USP31: variants seen among roughly 807,000 people sequenced by gnomAD.
USP31 encodes ubiquitin carboxyl-terminal hydrolase 31.
In USP31, 44 loss-of-function variants were observed where a neutral mutation model predicts 119.4. That is an observed-to-expected ratio of 0.37 (90% CI 0.29 to 0.47). USP31 has a LOEUF of 0.47. USP31 is among the 20% of genes least tolerant of loss of function. USP31 has a pLI of 0.99. For missense variants in USP31, 1,643 were observed against 1,730.2 expected (o/e 0.95, Z 0.89); for synonymous variants, 749 against 705.6 (o/e 1.06, Z -0.97).
At chr16:23,095,843 G>A (rs1901581465) in intron 6 of USP31, among the ~76,000 whole-genome samples, 1 of 152,122 alleles carries the variant, frequency 6.6e-6, no homozygotes, top group Non-Finnish European at 1.5e-5. Flanking sequence ...GCTCCTGAAG[G>A]AAGCACTAAA....
In USP31 at chr16:23,149,243, C is replaced by T; in HGVS notation, c.28G>A (p.Gly10Arg). 2.7e-6 allele frequency: 3 copies of T among 1,116,206 alleles called. No homozygotes were observed. The highest frequency in any genetic ancestry group is 3.3e-6 in the Non-Finnish European group (3 of 914,166). 69.1% of individuals were successfully genotyped at this position (1,116,206 alleles called of 1,614,324 possible). Reference sequence around the variant, plus strand: ...TTCCCGCTCGCCGCCGCCGGCGGCCCGGACCCAGGCGCCGTTACCTTGGAC... The same window carrying T: ...TTCCCGCTCGCCGCCGCCGGCGGCCTGGACCCAGGCGCCGTTACCTTGGAC... MSKVTAPGS[G>R]PPAAASGKEK... The change falls in exon 1 of 16, where the codon GGG (glycine) becomes AGG (arginine). Residue 10 changes from glycine to arginine, a missense_variant. Gly to Arg is a moderately radical substitution (Grantham distance 125, BLOSUM62 -2). Around this residue, in one of 5 missense-constraint regions of USP31, gnomAD observed 302 missense variants for 262.6 expected, o/e 1.15. Transcript: ENST00000219689.
intron 1 of USP31, chr16:23,115,949 GAA>G (rs1567241335): frequency 9.4e-6 from 2 of 212,140 alleles, no homozygotes; most frequent in Non-Finnish European, 1.6e-5. Context: ...AGGCTCCAGG[GAA>G]AAGATACTGA....
At chr16:23,108,775 A>G (rs113972092) in intron 1 of USP31, among the ~76,000 whole-genome samples, 42 of 152,320 alleles carry the variant, frequency 2.8e-4, no homozygotes, top group African/African-American at 8.9e-4. Context: ...CTCACTTTTC[A>G]TATTTTCTAC....
chr16:23,068,335 C>T lies in USP31; in HGVS notation c.3770G>A (p.Ser1257Asn), dbSNP rs1900176805. The part of the protein sequence containing the change: ...TALLSKKAGG[S>N]SVKSVCKNTG... Reference sequence around the variant, plus strand: ...GTTCTTACAGACAGACTTAACAGAGCTCCCACCAGCCTTTTTAGAGAGCAA... The same window carrying T: ...GTTCTTACAGACAGACTTAACAGAGTTCCCACCAGCCTTTTTAGAGAGCAA... The change falls in exon 16 of 16, where the codon AGC becomes AAC. Residue 1257 changes from serine to asparagine, a missense_variant. Ser to Asn is a conservative substitution (Grantham distance 46, BLOSUM62 1). Around this residue, in one of 5 missense-constraint regions of USP31, gnomAD observed 699 missense variants for 650.9 expected, o/e 1.07. Coordinates refer to ENST00000219689, the MANE Select transcript of USP31 (RefSeq NM_020718.4). 5 of 1,614,044 alleles carry T rather than the reference C, an allele frequency of 3.1e-6. No homozygotes were observed. The highest frequency in any genetic ancestry group is 2.2e-5 in the South Asian group (2 of 91,088).
At chr16:23,126,797 G>A (rs117967344) in intron 1 of USP31, among the ~76,000 whole-genome samples, 2,227 of 152,182 alleles carry the variant, frequency 0.015, 23 homozygotes, top group South Asian at 0.035. Context: ...GCACTCATAC[G>A]TTAGCGACAC....
chr16:23,126,698 A>C (rs1382946421), intron 1 of USP31, among the ~76,000 whole-genome samples: 1 of 152,144 alleles, frequency 6.6e-6, no homozygotes, highest in Non-Finnish European at 1.5e-5. Flanking sequence ...TCTGTCTCCA[A>C]CTATAAAACA....
In USP31 at chr16:23,148,621, G is replaced by A; in HGVS notation, c.633+17C>T. 6.9e-7 allele frequency: 1 copy of A among 1,454,950 alleles called. No individual in the cohort carries two copies. The highest frequency in any genetic ancestry group is 9.0e-7 in the Non-Finnish European group (1 of 1,111,556). The allele number at this position is 1,454,950 out of a possible 1,614,324, so 90.1% of individuals were successfully genotyped here. A position where few individuals can be genotyped will look rare whatever the true frequency, so the allele number is the denominator to read the frequency against. Reference sequence around the variant, plus strand: ...GGGCTCGGGGTGCAGTGGGGGCGCGGCGGCGCGCGGGCTCACCTTGAAGTC... The same window carrying A: ...GGGCTCGGGGTGCAGTGGGGGCGCGACGGCGCGCGGGCTCACCTTGAAGTC... On this transcript the variant is annotated intron_variant, in intron 1 of 15. Transcript: ENST00000219689.
intron 6 of USP31, 75 bp from the exon 7 acceptor site, chr16:23,090,879 C>G: frequency 2.3e-6 from 3 of 1,327,832 alleles, no homozygotes; most frequent in South Asian, 2.3e-5. Flanking sequence ...GAAATTTACC[C>G]AACAGAGAAA....
At chr16:23,083,467 G>T (rs1478252871) in intron 11 of USP31, among the ~76,000 whole-genome samples, 1 of 151,826 alleles carries the variant, frequency 6.6e-6, no homozygotes, top group Admixed American at 6.6e-5. Flanking sequence ...GAATGAATGA[G>T]CCCCTGTTAA....
chr16:23,139,401 ACT>A (rs1040896519), intron 1 of USP31, among the ~76,000 whole-genome samples: 29 of 152,270 alleles, frequency 1.9e-4, no homozygotes, highest in African/African-American at 6.3e-4. Flanking sequence ...ACAGAGCAAG[ACT>A]CTGTCTCGAA....
intron 1 of USP31, among the ~76,000 whole-genome samples, chr16:23,137,202 GACC>G (rs1283822607): frequency 6.6e-6 from 1 of 152,096 alleles, no homozygotes; most frequent in East Asian, 1.9e-4. Flanking sequence ...GACAGAGCAA[GACC>G]CTGTCTCAAA....
chr16:23,085,329 A>AACCTATAT (rs1345082890), intron 10 of USP31, among the ~76,000 whole-genome samples: 1 of 152,216 alleles, frequency 6.6e-6, no homozygotes, highest in Non-Finnish European at 1.5e-5. Flanking sequence ...AAGTAAATTG[A>AACCTATAT]ACCTATATAG....
At chr16:23,093,985 T>C (rs757367392) in intron 6 of USP31, among the ~76,000 whole-genome samples, 11 of 152,084 alleles carry the variant, frequency 7.2e-5, no homozygotes, top group Non-Finnish European at 1.6e-4. Context: ...GTTCATCTCA[T>C]TGGGACGGTT....
chr16:23,139,480 G>T (rs1382180059), intron 1 of USP31, among the ~76,000 whole-genome samples: 1 of 152,224 alleles, frequency 6.6e-6, no homozygotes, highest in Non-Finnish European at 1.5e-5. Flanking sequence ...CTAAGAGCAG[G>T]TAGTCAAACT....
intron 12 of USP31, among the ~76,000 whole-genome samples, chr16:23,080,418 C>A (rs1036683836): frequency 6.6e-5 from 10 of 152,008 alleles, no homozygotes; most frequent in African/African-American, 2.4e-4. Flanking sequence ...TCTGAGTCTT[C>A]CTTTCCTTAT....
At position 23,081,112 on chromosome 16, in the gene USP31, C is replaced by T. The variant is rs529318326; in HGVS notation, c.1951-941G>A. 1.2e-4 allele frequency among the ~76,000 whole-genome samples: 18 copies of T among 152,182 alleles called. No individual in the cohort carries two copies. The South Asian group carries it at 3.8e-3, about 32-fold the overall frequency. ...ACAGCAAGAATGGGGAGGGGACACA[C>T]AGGAGTCGATGAAGAGGCATGGCCA... On this transcript the variant is annotated intron_variant, in intron 12 of 15. Coordinates refer to ENST00000219689, the MANE Select transcript of USP31 (RefSeq NM_020718.4).
chr16:23,149,015 C>G lies in USP31; in HGVS notation c.256G>C (p.Asp86His), dbSNP rs1165203978. The change falls in exon 1 of 16, where the codon GAC becomes CAC. Residue 86 changes from aspartate (D) to histidine (H), a missense_variant. By Grantham distance (81) the Asp-to-His change is moderately conservative. Transcript: ENST00000219689. Reference sequence around the variant, plus strand: ...AAGCAGCTGCGGAGGCCGCCGCGGTCTGGGGCGGCGCCCTCAGAGCTAAGG... The same window carrying G: ...AAGCAGCTGCGGAGGCCGCCGCGGTGTGGGGCGGCGCCCTCAGAGCTAAGG... ...SHLSSEGAAP[D>H]RGGLRSCFPP... 2.3e-5 allele frequency: 26 copies of G among 1,149,358 alleles called. No individual in the cohort carries two copies. Among genetic ancestry groups the G allele is most frequent in the Admixed American group, 3.9e-5 (1 of 25,538 alleles). The allele number at this position is 1,149,358 out of a possible 1,614,324, so 71.2% of individuals were successfully genotyped here.
intron 1 of USP31, among the ~76,000 whole-genome samples, chr16:23,132,273 G>A (rs1303004879): frequency 1.3e-5 from 2 of 151,026 alleles, no homozygotes; most frequent in Non-Finnish European, 2.9e-5. Context: ...AGCAACAGAG[G>A]ACATAACTTT....
chr16:23,070,643 G>A (rs1900306500), intron 15 of USP31, among the ~76,000 whole-genome samples: 1 of 151,906 alleles, frequency 6.6e-6, no homozygotes, highest in Non-Finnish European at 1.5e-5. Context: ...GAACCTGGTA[G>A]GCGGAGCTTG....
Sources: gnomAD v4.1 joint callset for allele counts (sites outside exome capture counted in the v4.1 genomes callset) on GRCh38, gnomAD v4.1.1 for gene constraint, gnomAD v4.1.1 regional missense constraint, MANE v1.5 for transcripts, NCBI Gene and HGNC (gene_info 2026-07-23, HGNC 2026-07-21) for gene names.